PKHD1: variants seen among roughly 807,000 people sequenced by gnomAD.
PKHD1 encodes PKHD1 ciliary IPT domain containing fibrocystin/polyductin, also known as fibrocystin.
Under a neutral mutation model 412.0 loss-of-function variants are expected in PKHD1, and 291 were observed. The observed-to-expected ratio is 0.71, with a 90% confidence interval of 0.64 to 0.78. The LOEUF is 0.78. Ranked by LOEUF, PKHD1 falls within the 30% of genes least tolerant of loss-of-function variation. The probability of loss-of-function intolerance (pLI) is 0.00; values close to 1 mark genes in which losing one functional copy is unlikely to be tolerated. For synonymous variants in PKHD1, 1,777 were observed against 1,821.5 expected, an observed-to-expected ratio of 0.98 and a Z score of 0.62; for missense variants, 4,825 against 4,950.7, an observed-to-expected ratio of 0.97 and a Z score of 0.76.
intron 62 of PKHD1, among the ~76,000 whole-genome samples, chr6:51,648,738 C>T (rs967881997): frequency 6.6e-6 from 1 of 152,180 alleles, no homozygotes; most frequent in African/African-American, 2.4e-5. Flanking sequence ...TCATAAGTTC[C>T]TTCACTAGCA....
At chr6:51,859,071 A>G (rs1773758784) in intron 48 of PKHD1, among the ~76,000 whole-genome samples, 1 of 152,196 alleles carries the variant, frequency 6.6e-6, no homozygotes. Context: ...TTGAAAACTC[A>G]TATTTCTGCA....
chr6:51,895,737 G>A (rs1435094296), intron 43 of PKHD1, among the ~76,000 whole-genome samples: 1 of 152,114 alleles, frequency 6.6e-6, no homozygotes, highest in African/African-American at 2.4e-5. Context: ...GGCGATTTCT[G>A]CATTTCCATC....
intron 45 of PKHD1, among the ~76,000 whole-genome samples, chr6:51,885,401 C>T (rs964213105): frequency 3.9e-5 from 6 of 152,192 alleles, no homozygotes; most frequent in African/African-American, 1.4e-4. Context: ...AAGACTGGGG[C>T]ATGTATTATT....
At position 51,767,108 on chromosome 6, in the gene PKHD1, C is replaced by T. The variant is rs140632079; in HGVS notation, c.8642+5594G>A. On this transcript the variant is annotated intron_variant, in intron 55 of 66. Transcript: ENST00000371117. ...ATTCCAGCCTGTCTTCAACTAAATT[C>T]AAATGCTAATTTATTCAAATTCTAA... 1.3e-4 allele frequency among the ~76,000 whole-genome samples: 20 copies of T among 152,058 alleles called. No homozygotes were observed. The East Asian group carries it at 3.9e-3, about 29-fold the overall frequency.
chr6:51,685,626 T>G (rs1298629506), intron 60 of PKHD1, among the ~76,000 whole-genome samples: 1 of 152,206 alleles, frequency 6.6e-6, no homozygotes, highest in African/African-American at 2.4e-5. Flanking sequence ...TACATTTACG[T>G]TGGCCTATAG....
chr6:51,847,888 A>G lies in PKHD1; in HGVS notation c.7994T>C (p.Leu2665Pro), dbSNP rs1314759488. The change falls in exon 50 of 67, where the codon CTC becomes CCC. Residue 2665 changes from leucine to proline, a missense_variant. Coordinates refer to ENST00000371117, the MANE Select transcript of PKHD1 (RefSeq NM_138694.4). Reference protein sequence around the residue: ...HTDLPPYPDILLRCGSRVGLS... With the variant: ...HTDLPPYPDIPLRCGSRVGLS... The stretch of plus-strand genomic sequence containing the variant: ...ACCCACTCGACTCCCACATCTTAGG[A>G]GGATGTCAGGGTAAGGCGGCAAATC... 3 of 1,613,812 alleles carry G rather than the reference A, an allele frequency of 1.9e-6. No homozygotes were observed. The East Asian group carries it at 6.7e-5, about 36-fold the overall frequency.
At chr6:51,644,080 A>ATGAC (rs1350335866) in intron 63 of PKHD1, among the ~76,000 whole-genome samples, 1 of 152,188 alleles carries the variant, frequency 6.6e-6, no homozygotes, top group Non-Finnish European at 1.5e-5. Flanking sequence ...TGAACTGTTT[A>ATGAC]ATCACGAGAT....
At position 51,659,899 on chromosome 6, in the gene PKHD1, G is replaced by C; in HGVS notation, c.10227C>G (p.Asp3409Glu). Residue 3409 changes from aspartate to glutamate, a missense_variant, in exon 61 of 67, where the codon GAC becomes GAG. Asp to Glu is a conservative substitution (Grantham distance 45). Transcript: ENST00000371117. ...CGCTATCAAGAATTAGGACCACTTG[G>C]TCAGTCTGTTTGCAGATGAATCCTT... ...LMQGFICKQT[D>E]QVVLILDSAD... The C allele has an allele frequency of 6.2e-7, 1 of 1,612,528 alleles. No individual in the cohort carries two copies. Among genetic ancestry groups the C allele is most frequent in the African/African-American group, 1.3e-5 (1 of 74,986 alleles).
chr6:51,706,598 T>C (rs1383815795), intron 60 of PKHD1, among the ~76,000 whole-genome samples: 1 of 152,050 alleles, frequency 6.6e-6, no homozygotes, highest in Admixed American at 6.6e-5. Context: ...AAAACTATTT[T>C]CCATCCATTG....
intron 35 of PKHD1, among the ~76,000 whole-genome samples, chr6:51,992,381 C>G (rs544942416): frequency 1.0e-3 from 156 of 152,266 alleles, no homozygotes; most frequent in Middle Eastern, 3.4e-3. Flanking sequence ...TTGGTTGTTT[C>G]ATTTTAATGT....
intron 65 of PKHD1, among the ~76,000 whole-genome samples, chr6:51,631,933 T>A (rs1423103636): frequency 1.3e-5 from 2 of 150,704 alleles, no homozygotes; most frequent in South Asian, 2.1e-4. Context: ...GATTCTTTTT[T>A]TTTTTCTTTT....
chr6:52,027,272 C>A (rs1173158241), intron 31 of PKHD1, among the ~76,000 whole-genome samples: 1 of 150,856 alleles, frequency 6.6e-6, no homozygotes, highest in African/African-American at 2.4e-5. Flanking sequence ...TGGCTCATGC[C>A]TGTAATCCCA....
intron 60 of PKHD1, among the ~76,000 whole-genome samples, chr6:51,672,866 T>C (rs999921467): frequency 6.6e-6 from 1 of 152,218 alleles, no homozygotes; most frequent in Non-Finnish European, 1.5e-5. Context: ...CTTGAAAGTA[T>C]GGTACTTAAG....
intron 43 of PKHD1, among the ~76,000 whole-genome samples, chr6:51,893,279 C>T (rs556628578): frequency 3.9e-5 from 6 of 152,234 alleles, no homozygotes; most frequent in Non-Finnish European, 8.8e-5. Context: ...TTATTCATCA[C>T]CTTTGCCAGC....
rs1208904683 is a variant in PKHD1, at chr6:52,025,487, A to C, written c.4323T>G (p.Ile1441Met). The change falls in exon 32 of 67, where the codon ATT becomes ATG. Residue 1441 changes from isoleucine to methionine, a missense_variant. Transcript: ENST00000371117. ...CVILSLGDHT[I>M]LCQVSLEGDP... The stretch of plus-strand genomic sequence containing the variant: ...CACCCTCCAGGCTAACCTGGCAGAG[A>C]ATGGTGTGGTCTCCCAAACTCAAAA... 2 of 1,612,710 alleles carry C rather than the reference A, an allele frequency of 1.2e-6. No individual in the cohort carries two copies. The highest frequency in any genetic ancestry group is 1.7e-6 in the Non-Finnish European group (2 of 1,179,000).
intron 32 of PKHD1, among the ~76,000 whole-genome samples, chr6:52,023,556 T>C (rs555533573): frequency 2.0e-5 from 3 of 152,334 alleles, no homozygotes; most frequent in South Asian, 2.1e-4. Context: ...CTATTGTTAA[T>C]AGTGATGCAA....
intron 35 of PKHD1, among the ~76,000 whole-genome samples, chr6:52,001,847 C>T (rs912116220): frequency 2.6e-5 from 4 of 152,126 alleles, no homozygotes; most frequent in African/African-American, 9.7e-5. Context: ...ACAACACCAC[C>T]ATAAACAATT....
At position 51,885,093 on chromosome 6, in the gene PKHD1, T is replaced by C. The variant is rs74661466; in HGVS notation, c.7215+774A>G. On this transcript the variant is annotated intron_variant, in intron 45 of 66. Transcript: ENST00000371117. ...TTCCTGAAGGCTCTACAAACATAGT[T>C]CTTCACCTATATATCTTATGTTCCA... 7.2e-4 allele frequency among the ~76,000 whole-genome samples: 109 copies of C among 152,314 alleles called. No homozygotes were observed. The East Asian group carries it at 0.02, about 27-fold the overall frequency.
chr6:51,775,242 A>G (rs1383542722), intron 54 of PKHD1, among the ~76,000 whole-genome samples: 1 of 151,840 alleles, frequency 6.6e-6, no homozygotes, highest in Non-Finnish European at 1.5e-5. Context: ...TAAAATTAGT[A>G]ATGCCCATAT....
Sources: gnomAD v4.1 joint callset for allele counts (sites outside exome capture counted in the v4.1 genomes callset) on GRCh38, gnomAD v4.1.1 for gene constraint, MANE v1.5 for transcripts, NCBI Gene and HGNC (gene_info 2026-07-23, HGNC 2026-07-21) for gene names.